ITGBL1: variants seen among roughly 807,000 people sequenced by gnomAD.
ITGBL1 encodes integrin beta-like protein 1.
In ITGBL1, 51 loss-of-function variants were observed where a neutral mutation model predicts 68.5. The ratio of observed to expected loss-of-function variants is 0.74; its 90% CI spans 0.59 to 0.94. The LOEUF is 0.94. Among genes scored for constraint, ITGBL1 ranks in the 40% least tolerant of loss-of-function variants. The pLI is 0.00. For missense variants in ITGBL1, 649 were observed against 647.4 expected, an observed-to-expected ratio of 1.00 and a Z score of -0.03; for synonymous variants, 209 against 227.3, an observed-to-expected ratio of 0.92 and a Z score of 0.72.
chr13:101,475,057 C>T (rs1440684377), intron 2 of ITGBL1, among the ~76,000 whole-genome samples: 3 of 152,154 alleles, frequency 2.0e-5, no homozygotes, highest in African/African-American at 7.2e-5. Flanking sequence ...AGCATCAAGG[C>T]CATCCAGGAA....
chr13:101,684,228 T>C (rs2139534609), intron 7 of ITGBL1, among the ~76,000 whole-genome samples: 1 of 152,120 alleles, frequency 6.6e-6, no homozygotes, highest in African/African-American at 2.4e-5. Context: ...GGTCTCCACT[T>C]CCACCAAAAT....
chr13:101,480,696 T>TA (rs1318874685), intron 2 of ITGBL1, among the ~76,000 whole-genome samples: 1 of 151,910 alleles, frequency 6.6e-6, no homozygotes, highest in Non-Finnish European at 1.5e-5. Context: ...AAATTCAGAG[T>TA]AAAAAATCAT....
At chr13:101,611,044 G>C (rs1021594043) in intron 7 of ITGBL1, among the ~76,000 whole-genome samples, 1 of 152,162 alleles carries the variant, frequency 6.6e-6, no homozygotes, top group African/African-American at 2.4e-5. Context: ...ATACTCACTT[G>C]TGATGATTTA....
At chr13:101,700,096 A>G (rs1320439659) in intron 8 of ITGBL1, among the ~76,000 whole-genome samples, 4 of 152,144 alleles carry the variant, frequency 2.6e-5, no homozygotes, top group Non-Finnish European at 5.9e-5. Context: ...AAGCTCTAAC[A>G]TGTGTATGCC....
At chr13:101,507,598 T>G (rs1380515305) in intron 2 of ITGBL1, among the ~76,000 whole-genome samples, 1 of 152,192 alleles carries the variant, frequency 6.6e-6, no homozygotes, top group Non-Finnish European at 1.5e-5. Context: ...TATGTAGTCT[T>G]TCTTGTCTTC....
intron 2 of ITGBL1, among the ~76,000 whole-genome samples, chr13:101,529,827 A>G (rs1889700): frequency 0.81 from 123,105 of 152,122 alleles, 50,066 homozygotes; most frequent in African/African-American, 0.9. Context: ...CCCTGCAGCC[A>G]AGTAGAACTG....
chr13:101,455,887 C>G (rs1050387192), intron 2 of ITGBL1, among the ~76,000 whole-genome samples: 1 of 152,084 alleles, frequency 6.6e-6, no homozygotes, highest in Admixed American at 6.5e-5. Flanking sequence ...TTTTCCAGGG[C>G]TTTTTCTCTT....
At position 101,605,610 on chromosome 13, in the gene ITGBL1, G is replaced by GTA. The variant is rs536387142; in HGVS notation, c.1015+7320_1015+7321dup. Among the ~76,000 whole-genome samples, 203 of 150,134 alleles carry GTA rather than the reference G, an allele frequency of 1.4e-3. 1 individual carries two copies. The highest frequency in any genetic ancestry group is 4.4e-3 in the African/African-American group (183 of 41,268). ...TTTAGACACGTACGTGTGTATATGC[G>GTA]TATATATATACACGTATGTAGACAT... On this transcript the variant is annotated intron_variant, in intron 7 of 10. Transcript: ENST00000376180.
chr13:101,596,619 T>G (rs1215108972), intron 6 of ITGBL1, among the ~76,000 whole-genome samples: 1 of 152,180 alleles, frequency 6.6e-6, no homozygotes, highest in Non-Finnish European at 1.5e-5. Flanking sequence ...CTCTTCTGAA[T>G]TCTAGATTTC....
At chr13:101,479,415 A>G (rs140236414) in intron 2 of ITGBL1, among the ~76,000 whole-genome samples, 3 of 152,264 alleles carry the variant, frequency 2.0e-5, no homozygotes, top group East Asian at 3.9e-4. Context: ...TTTCTTGAGT[A>G]ATACCCCACA....
chr13:101,557,641 C>G (rs994034405), intron 2 of ITGBL1, among the ~76,000 whole-genome samples: 1 of 151,908 alleles, frequency 6.6e-6, no homozygotes, highest in Non-Finnish European at 1.5e-5. Flanking sequence ...CTCGGGTCTC[C>G]TATTCTGGAT....
At chr13:101,473,521 C>T (rs1387638448) in intron 2 of ITGBL1, among the ~76,000 whole-genome samples, 6 of 152,192 alleles carry the variant, frequency 3.9e-5, no homozygotes, top group Admixed American at 2.6e-4. Context: ...CTGGCTAGCA[C>T]CACCACTGTG....
chr13:101,620,685 A>G (rs887362321), intron 7 of ITGBL1, among the ~76,000 whole-genome samples: 9 of 152,160 alleles, frequency 5.9e-5, no homozygotes, highest in African/African-American at 1.7e-4. Context: ...GCCACTGGAC[A>G]TGAGAGGAAA....
chr13:101,612,013 A>G (rs1352895443), intron 7 of ITGBL1, among the ~76,000 whole-genome samples: 1 of 152,082 alleles, frequency 6.6e-6, no homozygotes, highest in Non-Finnish European at 1.5e-5. Flanking sequence ...TATATTCTTC[A>G]GTTATGGCAT....
intron 2 of ITGBL1, among the ~76,000 whole-genome samples, chr13:101,559,641 C>T (rs2050067522): frequency 6.6e-6 from 1 of 152,142 alleles, no homozygotes; most frequent in South Asian, 2.1e-4. Context: ...TTGCTAAATT[C>T]CAGAACTAAA....
intron 7 of ITGBL1, among the ~76,000 whole-genome samples, chr13:101,642,592 C>G (rs1165576870): frequency 1.3e-5 from 2 of 152,000 alleles, no homozygotes; most frequent in African/African-American, 2.4e-5. Context: ...TCAGTTTTGG[C>G]TTTTGTTGCC....
rs190791308 is a variant in ITGBL1, at chr13:101,687,542, G to C, written c.1016-5043G>C. Among the ~76,000 whole-genome samples the C allele has an allele frequency of 2.0e-5, 3 of 152,054 alleles. No individual in the cohort carries two copies. The East Asian group carries it at 5.8e-4, about 29-fold the overall frequency. ...AGTCTGAACTTGTTTGAATTTTTAAGTAAAATCTATTTTGATCGGAACTTC... is the reference window on the plus strand; with the variant it reads ...AGTCTGAACTTGTTTGAATTTTTAACTAAAATCTATTTTGATCGGAACTTC... On this transcript the variant is annotated intron_variant, in intron 7 of 10. Coordinates refer to ENST00000376180, the MANE Select transcript of ITGBL1 (RefSeq NM_004791.3).
At chr13:101,529,513 A>C (rs1190554685) in intron 2 of ITGBL1, among the ~76,000 whole-genome samples, 6 of 152,342 alleles carry the variant, frequency 3.9e-5, no homozygotes, top group Middle Eastern at 3.4e-3. Flanking sequence ...AAAGAAAACT[A>C]TGTTAGCATC....
chr13:101,660,710 C>T (rs759170493), intron 7 of ITGBL1, among the ~76,000 whole-genome samples: 17 of 152,140 alleles, frequency 1.1e-4, no homozygotes, highest in Non-Finnish European at 2.4e-4. Context: ...CAAAAATGTG[C>T]GAAGACAGCC....
Sources: gnomAD v4.1 joint callset for allele counts (sites outside exome capture counted in the v4.1 genomes callset) on GRCh38, gnomAD v4.1.1 for gene constraint, MANE v1.5 for transcripts, NCBI Gene and HGNC (gene_info 2026-07-23, HGNC 2026-07-21) for gene names.